Variants in PACSIN2 observed in about 807,000 individuals in gnomAD.
PACSIN2 encodes protein kinase C and casein kinase substrate in neurons 2.
PACSIN2 carries 25 observed loss-of-function variants against 63.8 expected under a neutral mutation model. That is an observed-to-expected ratio of 0.39 (90% CI 0.29 to 0.55). PACSIN2 has a LOEUF of 0.55. Ranked by LOEUF, PACSIN2 falls within the 20% of genes least tolerant of loss-of-function variation. The probability of loss-of-function intolerance (pLI) is 0.62; values close to 1 mark genes in which losing one functional copy is unlikely to be tolerated. For missense variants in PACSIN2, 518 were observed against 646.9 expected (o/e 0.80, Z 2.16); for synonymous variants, 255 against 256.2 (o/e 1.00, Z 0.05).
rs780360286 is a variant in PACSIN2, at chr22:42,879,151, T to C, written c.925A>G (p.Asn309Asp). Residue 309 changes from asparagine (N) to aspartate (D), a missense_variant, in exon 8 of 11, where the codon AAT (asparagine) becomes GAT (aspartate). Asn to Asp is a conservative substitution (Grantham distance 23). Transcript: ENST00000263246. Reference protein sequence around the residue: ...PQFEEWSADLNRTLSRREKKK... With the variant: ...PQFEEWSADLDRTLSRREKKK... Reference sequence around the variant, plus strand: ...TTCTCTCTCCGGCTGAGGGTTCGATTCAGGTCTGCGGACCACTCCTAGGCA... The same window carrying C: ...TTCTCTCTCCGGCTGAGGGTTCGATCCAGGTCTGCGGACCACTCCTAGGCA... The C allele has an allele frequency of 6.2e-7, 1 of 1,613,948 alleles. No homozygotes were observed. Among genetic ancestry groups the C allele is most frequent in the Admixed American group, 1.7e-5 (1 of 59,998 alleles).
intron 1 of PACSIN2, among the ~76,000 whole-genome samples, chr22:42,994,494 T>A (rs1923265015): frequency 6.6e-6 from 1 of 152,210 alleles, no homozygotes; most frequent in South Asian, 2.1e-4. Context: ...ACCCTGCCCA[T>A]GGCCACCATT....
chr22:42,965,953 AAATT>A (rs1920950796), intron 1 of PACSIN2, among the ~76,000 whole-genome samples: 7 of 151,874 alleles, frequency 4.6e-5, no homozygotes, highest in South Asian at 2.1e-4. Context: ...AATCATAAAT[AAATT>A]ATGTGAAAAT....
At position 42,982,644 on chromosome 22, in the gene PACSIN2, T is replaced by C. The variant is rs560955490; in HGVS notation, c.-78+32377A>G. ...TAAATGGATTAAGGGCGGTGCAAGA[T>C]GTGCTTTGTTAAACAGATGCTTGAA... is the stretch of plus-strand genomic sequence containing the variant. On this transcript the variant is annotated intron_variant, in intron 1 of 10. Transcript: ENST00000263246. Among the ~76,000 whole-genome samples, 6 of 129,366 alleles carry C rather than the reference T, an allele frequency of 4.6e-5. No individual in the cohort carries two copies. The South Asian group carries it at 1.6e-3, about 34-fold the overall frequency. 84.9% of individuals were successfully genotyped at this position (129,366 alleles called of 152,430 possible).
chr22:42,907,399 A>G (rs1451151620), intron 2 of PACSIN2, among the ~76,000 whole-genome samples: 5 of 152,234 alleles, frequency 3.3e-5, no homozygotes, highest in Admixed American at 6.5e-5. Flanking sequence ...ATACTAGTTC[A>G]GTGAAAAGAA....
intron 1 of PACSIN2, among the ~76,000 whole-genome samples, chr22:42,949,598 C>T (rs1335032993): frequency 6.6e-6 from 1 of 152,032 alleles, no homozygotes; most frequent in Non-Finnish European, 1.5e-5. Context: ...ATAATATTAT[C>T]TGAGAAGCCC....
At chr22:42,910,847 G>A (rs62231597) in intron 2 of PACSIN2, among the ~76,000 whole-genome samples, 15 of 152,226 alleles carry the variant, frequency 9.9e-5, no homozygotes, top group Non-Finnish European at 1.3e-4. Context: ...GCTTCTGGAG[G>A]GCAGGAACTC....
At chr22:42,968,842 G>A (rs532575664) in intron 1 of PACSIN2, among the ~76,000 whole-genome samples, 1 of 152,120 alleles carries the variant, frequency 6.6e-6, no homozygotes, top group South Asian at 2.1e-4. Context: ...TTATACCAGC[G>A]GCCCCTGGGT....
chr22:42,894,223 G>A (rs1930122261), intron 2 of PACSIN2, among the ~76,000 whole-genome samples: 2 of 151,172 alleles, frequency 1.3e-5, no homozygotes, highest in Non-Finnish European at 2.9e-5. Flanking sequence ...TGCAGCCACA[G>A]TGGCTAGGCT....
At chr22:42,886,944 CTCTCCA>C (rs1308205016) in intron 5 of PACSIN2, among the ~76,000 whole-genome samples, 7 of 152,210 alleles carry the variant, frequency 4.6e-5, no homozygotes, top group Admixed American at 1.3e-4. Context: ...AGGCCTCTTC[CTCTCCA>C]TCTCTGTCTC....
intron 1 of PACSIN2, among the ~76,000 whole-genome samples, chr22:42,952,166 T>C (rs944257300): frequency 6.6e-5 from 10 of 152,164 alleles, no homozygotes; most frequent in African/African-American, 2.4e-4. Context: ...TTTTGCCTTG[T>C]TTGCCCGTGT....
chr22:42,961,274 A>T lies in PACSIN2; in HGVS notation c.-77-49117T>A, dbSNP rs1305814590. ...TATAACACAAAACGAAGTAGGTTAA[A>T]AATCTCTTTTGAAAATCTTGTGTTT... On this transcript the variant is annotated intron_variant, in intron 1 of 10. Coordinates refer to ENST00000263246, the MANE Select transcript of PACSIN2 (RefSeq NM_001184970.3). 6.6e-5 allele frequency among the ~76,000 whole-genome samples: 10 copies of T among 152,324 alleles called. No homozygotes were observed. The East Asian group carries it at 1.7e-3, about 26-fold the overall frequency.
At position 42,893,545 on chromosome 22, in the gene PACSIN2, G is replaced by C; in HGVS notation, c.129C>G (p.Asn43Lys). 1 of 1,614,136 alleles carries C rather than the reference G, an allele frequency of 6.2e-7. No individual in the cohort carries two copies. Among genetic ancestry groups the C allele is most frequent in the East Asian group, 2.2e-5 (1 of 44,884 alleles). The part of the protein sequence containing the change: ...DGHRLCSDLM[N>K]CLHERARIEK... ...CGATGCGCGCCCGCTCATGCAGGCA[G>C]TTCATGAGGTCGCTGCACAGGCGGT... The change falls in exon 3 of 11, where the codon AAC becomes AAG. Residue 43 changes from asparagine to lysine, a missense_variant. Transcript: ENST00000263246.
At chr22:42,898,602 C>T (rs1001778201) in intron 2 of PACSIN2, among the ~76,000 whole-genome samples, 22 of 151,974 alleles carry the variant, frequency 1.4e-4, no homozygotes, top group South Asian at 4.1e-4. Flanking sequence ...CTCCGGAGGC[C>T]GCTCTCCTGC....
chr22:42,925,463 G>T (rs959261105), intron 1 of PACSIN2, among the ~76,000 whole-genome samples: 3 of 149,906 alleles, frequency 2.0e-5, no homozygotes. Flanking sequence ...CTGGGCGACA[G>T]AGCAAGACTC....
At chr22:42,955,317 G>T (rs190459074) in intron 1 of PACSIN2, among the ~76,000 whole-genome samples, 16 of 152,020 alleles carry the variant, frequency 1.1e-4, no homozygotes, top group Non-Finnish European at 2.1e-4. Flanking sequence ...ACGAACGAAC[G>T]AACGAAAAAA....
chr22:42,931,576 G>C (rs1450737543), intron 1 of PACSIN2, among the ~76,000 whole-genome samples: 1 of 152,194 alleles, frequency 6.6e-6, no homozygotes, highest in East Asian at 1.9e-4. Flanking sequence ...GCCGATGGCT[G>C]CCCTGAAACA....
chr22:42,946,998 G>C (rs73417275), intron 1 of PACSIN2: 4 of 152,216 alleles, frequency 2.6e-5, no homozygotes, highest in African/African-American at 9.7e-5. Flanking sequence ...CATACTTCCC[G>C]ACGACGCCTC....
chr22:42,929,655 T>C (rs186167743), intron 1 of PACSIN2, among the ~76,000 whole-genome samples: 5 of 152,336 alleles, frequency 3.3e-5, no homozygotes, highest in Non-Finnish European at 5.9e-5. Context: ...TGGGGACATC[T>C]TTCCAATTGT....
Position 42,982,869 on chromosome 22 carries a change from TAA to T in PACSIN2, c.-78+32150_-78+32151del, listed in dbSNP as rs1252040629. The stretch of plus-strand genomic sequence containing the variant: ...GCGAGAAACACCAAAGAATGATCAA[TAA>T]AAAAAAAAAAAAAAAAAAACAACAA... On this transcript the variant is annotated intron_variant, in intron 1 of 10. Coordinates refer to ENST00000263246, the MANE Select transcript of PACSIN2 (RefSeq NM_001184970.3). Among the ~76,000 whole-genome samples, 9 of 44,018 alleles carry T rather than the reference TAA, an allele frequency of 2.0e-4. 2 individuals carry two copies. Among genetic ancestry groups the T allele is most frequent in the Non-Finnish European group, 2.5e-4 (5 of 20,372 alleles). 28.9% of individuals were successfully genotyped at this position (44,018 alleles called of 152,430 possible). A position where few individuals can be genotyped will look rare whatever the true frequency, so the allele number is the denominator to read the frequency against.
Sources: gnomAD v4.1 joint callset for allele counts (sites outside exome capture counted in the v4.1 genomes callset) on GRCh38, gnomAD v4.1.1 for gene constraint, MANE v1.5 for transcripts, NCBI Gene and HGNC (gene_info 2026-07-23, HGNC 2026-07-21) for gene names.